The following ZDHHC19 variants were observed in gnomAD, a reference collection of about 807,000 sequenced individuals.
ZDHHC19 encodes the protein zDHHC palmitoyltransferase 19.
In ZDHHC19, 30 loss-of-function variants were observed where a neutral mutation model predicts 33.9. That is an observed-to-expected ratio of 0.88 (90% CI 0.66 to 1.20). The LOEUF is 1.20. Among genes scored for constraint, ZDHHC19 ranks in the 50% most tolerant of loss-of-function variants. The pLI, the probability that ZDHHC19 is intolerant of heterozygous loss-of-function variation, is 0.00. For synonymous variants in ZDHHC19, 178 were observed against 167.6 expected, an observed-to-expected ratio of 1.06 and a Z score of -0.48; for missense variants, 364 against 401.1, an observed-to-expected ratio of 0.91 and a Z score of 0.79.
At chr3:196,199,903 C>T (rs1461849345) in intron 5 of ZDHHC19, among the ~76,000 whole-genome samples, 3 of 151,878 alleles carry the variant, frequency 2.0e-5, no homozygotes, top group African/African-American at 7.3e-5. Context: ...CGAGATCATG[C>T]CACTGCACTC....
rs1368954874 is a variant in ZDHHC19, at chr3:196,198,345, G to C, written c.880C>G (p.Pro294Ala). Reference protein sequence around the residue: ...MSPSALNPPAPTSGSLQSREG... With the variant: ...MSPSALNPPAATSGSLQSREG... ...CTGCTTTGTAGGGACCCAGAGGTTG[G>C]GGCTGGGGGGTTGAGAGCAGAGGGG... Residue 294 changes from proline to alanine, a missense_variant, in exon 7 of 8, where the codon CCA becomes GCA. By Grantham distance (27) the Pro-to-Ala change is conservative (BLOSUM62 -1). Coordinates refer to ENST00000296326, the MANE Select transcript of ZDHHC19 (RefSeq NM_001039617.2). 1.3e-6 allele frequency: 2 copies of C among 1,520,204 alleles called. No homozygotes were observed. The highest frequency in any genetic ancestry group is 2.3e-5 in the East Asian group (1 of 43,872). The allele number at this position is 1,520,204 out of a possible 1,614,324, so 94.2% of individuals were successfully genotyped here. A position where few individuals can be genotyped will look rare whatever the true frequency, so the allele number is the denominator to read the frequency against.
rs4916489 is a variant in ZDHHC19 at position 196,199,881 on chromosome 3, G to A, written c.688-1007C>T. ...AATCGCTTGAACCCGGGAGGCGGAG[G>A]TTGCAGTGAGCCGAGATCATGCCAC... On this transcript the variant is annotated intron_variant, in intron 5 of 7. Transcript: ENST00000296326. Among the ~76,000 whole-genome samples the A allele has an allele frequency of 1.3e-4, 19 of 151,594 alleles. 1 individual carries two copies. The highest frequency in any genetic ancestry group is 2.7e-4 in the African/African-American group (11 of 41,138).
At chr3:196,206,179 G>A (rs911439904) in intron 5 of ZDHHC19, among the ~76,000 whole-genome samples, 3 of 151,400 alleles carry the variant, frequency 2.0e-5, no homozygotes, top group South Asian at 2.1e-4. Flanking sequence ...AGTCTCCCGA[G>A]TAGCTGGGAC....
intron 2 of ZDHHC19, 120 bp downstream of exon 2, chr3:196,210,496 G>C (rs114145440): frequency 7.9e-7 from 1 of 1,258,146 alleles, no homozygotes; most frequent in African/African-American, 1.5e-5. Context: ...CAATGAAGAC[G>C]TGGGGTGAAG....
intron 1 of ZDHHC19, 125 bp downstream of exon 1, chr3:196,211,045 C>G (rs1309632784): frequency 6.7e-7 from 1 of 1,494,488 alleles, no homozygotes; most frequent in Non-Finnish European, 9.1e-7. Flanking sequence ...TTCCCTCGAA[C>G]AGAATATCCC....
chr3:196,202,687 A>G (rs1722451548), intron 5 of ZDHHC19, among the ~76,000 whole-genome samples: 1 of 152,216 alleles, frequency 6.6e-6, no homozygotes, highest in African/African-American at 2.4e-5. Context: ...CAGTTTCACA[A>G]GCTCAAGCTG....
intron 5 of ZDHHC19, among the ~76,000 whole-genome samples, chr3:196,200,822 A>AT (rs139248657): frequency 0.15 from 21,747 of 148,896 alleles, 1,917 homozygotes; most frequent in Middle Eastern, 0.22. Flanking sequence ...CCAATTTTTA[A>AT]TTTTTTTTGC....
chr3:196,209,397 G>T lies in ZDHHC19; in HGVS notation c.387C>A (p.Pro129=), dbSNP rs1273924800. The change falls in exon 3 of 8, where the codon CCC becomes CCA. Residue 129 remains proline, a synonymous_variant. Coordinates refer to ENST00000296326, the MANE Select transcript of ZDHHC19 (RefSeq NM_001039617.2). ...TCACCTCCACACAGATGTTGCACCA[G>T]GGGCAGTGGTAAGTCCGGGGCGGGC... is the stretch of plus-strand genomic sequence containing the variant. The part of the protein sequence containing the change: ...FHRPPRTYHC[P]WCNICVEDFD... The T allele has an allele frequency of 3.1e-6, 5 of 1,604,758 alleles. No homozygotes were observed. The South Asian group carries it at 5.6e-5, about 18-fold the overall frequency.
chr3:196,201,346 G>A (rs559132478), intron 5 of ZDHHC19, among the ~76,000 whole-genome samples: 9 of 151,212 alleles, frequency 6.0e-5, no homozygotes, highest in Admixed American at 6.6e-5. Flanking sequence ...GATTACAGCC[G>A]TGAGCCACCG....
chr3:196,200,811 G>A (rs755135469), intron 5 of ZDHHC19, among the ~76,000 whole-genome samples: 9 of 147,806 alleles, frequency 6.1e-5, no homozygotes, highest in Admixed American at 2.7e-4. Flanking sequence ...ACTATGCCCA[G>A]CCAATTTTTA....
chr3:196,199,047 T>C (rs888722320), intron 5 of ZDHHC19, 173 bp from the exon 6 acceptor site: 2 of 592,256 alleles, frequency 3.4e-6, no homozygotes, highest in African/African-American at 1.9e-5. Flanking sequence ...CCTCCTCCTC[T>C]TGGTCTCCAC....
At chr3:196,205,288 A>C (rs545742138) in intron 5 of ZDHHC19, among the ~76,000 whole-genome samples, 2 of 152,320 alleles carry the variant, frequency 1.3e-5, no homozygotes, top group Non-Finnish European at 2.9e-5. Context: ...AATCTATTGA[A>C]CATCCATACA....
chr3:196,207,532 G>A, intron 4 of ZDHHC19, 29 bp from the exon 5 acceptor site: 1 of 1,517,028 alleles, frequency 6.6e-7, no homozygotes, highest in Non-Finnish European at 8.9e-7. Context: ...CGGGCTGCGG[G>A]ACCCCCACGC....
rs373345767 is a variant in ZDHHC19, at chr3:196,209,521, G to C, written c.269-6C>G. ...GGGGCCCTGCTCAGCGGAGCCTGGC[G>C]TGGGAAGAGGATTGGGCACAGCAGA... On this transcript the variant is annotated splice_region_variant and splice_polypyrimidine_tract_variant and intron_variant, in intron 2 of 7. Transcript: ENST00000296326. 3 of 1,612,206 alleles carry C rather than the reference G, an allele frequency of 1.9e-6. No individual in the cohort carries two copies. In the South Asian group the frequency reaches 3.3e-5, roughly 18 times the overall value.
chr3:196,202,076 T>C (rs1307877888), intron 5 of ZDHHC19, among the ~76,000 whole-genome samples: 1 of 152,202 alleles, frequency 6.6e-6, no homozygotes, highest in Admixed American at 6.5e-5. Flanking sequence ...CCCAGCACTT[T>C]GGGAGGCCAA....
chr3:196,208,248 A>ACCCCCCCCCCCC, intron 4 of ZDHHC19, 140 bp downstream of exon 4: 1 of 236,658 alleles, frequency 4.2e-6, no homozygotes, highest in South Asian at 5.5e-5. Flanking sequence ...CCATCCCCCG[A>ACCCCCCCCCCCC]CCCCGCCCAC....
chr3:196,211,302 G>A lies in ZDHHC19; in HGVS notation c.14C>T (p.Thr5Met), dbSNP rs192491896. 35 of 1,612,280 alleles carry A rather than the reference G, an allele frequency of 2.2e-5. No homozygotes were observed. The highest frequency in any genetic ancestry group is 2.7e-5 in the Non-Finnish European group (32 of 1,178,832). The change falls in exon 1 of 8, where the codon ACG becomes ATG. Residue 5 changes from threonine to methionine, a missense_variant. Thr to Met is a moderately conservative substitution (Grantham distance 81, BLOSUM62 -1). Coordinates refer to ENST00000296326, the MANE Select transcript of ZDHHC19 (RefSeq NM_001039617.2). MTLL[T>M]DATPLVKEPH... Reference sequence around the variant, plus strand: ...CTCCTTCACCAGCGGCGTGGCATCCGTTAAGAGTGTCATGGCTGGGCCTCC... The same window carrying A: ...CTCCTTCACCAGCGGCGTGGCATCCATTAAGAGTGTCATGGCTGGGCCTCC...
At chr3:196,204,076 AT>A (rs1722559107) in intron 5 of ZDHHC19, among the ~76,000 whole-genome samples, 1 of 152,216 alleles carries the variant, frequency 6.6e-6, no homozygotes. Flanking sequence ...AGAGAAAAAA[AT>A]AAAGCCATAC....
In ZDHHC19 at chr3:196,210,661, T is replaced by C; in HGVS notation, c.223A>G (p.Ser75Gly). The C allele has an allele frequency of 6.2e-7, 1 of 1,613,974 alleles. No individual in the cohort carries two copies. The highest frequency in any genetic ancestry group is 8.5e-7 in the Non-Finnish European group (1 of 1,179,962). The change falls in exon 2 of 8, where the codon AGT (serine) becomes GGT (glycine). Residue 75 changes from serine to glycine, a missense_variant. Ser to Gly is a moderately conservative substitution (Grantham distance 56, BLOSUM62 0). Coordinates refer to ENST00000296326, the MANE Select transcript of ZDHHC19 (RefSeq NM_001039617.2). ...TGSLFVLTFF[S>G]LVSLNFSDPG... The stretch of plus-strand genomic sequence containing the variant: ...TCTGAGAAGTTGAGTGAAACAAGAC[T>C]GAAGAAGGTAAGGACAAAGAGGGAG...
Sources: allele counts gnomAD v4.1 joint callset (sites outside exome capture counted in the v4.1 genomes callset), GRCh38; gene constraint gnomAD v4.1.1; transcripts MANE v1.5; gene names NCBI Gene and HGNC (gene_info 2026-07-23, HGNC 2026-07-21).